Variants in TTN observed in about 807,000 individuals in gnomAD.
TTN encodes the protein titin.
TTN carries 1,525 observed loss-of-function variants against 3,223.0 expected under a neutral mutation model. The observed-to-expected ratio is 0.47, with a 90% CI of 0.45 to 0.49. The LOEUF (loss-of-function observed/expected upper bound fraction) is 0.49. TTN is among the 20% of genes least tolerant of loss of function. The pLI is 0.00. For missense variants in TTN, 40,786 were observed against 43,424.0 expected, an observed-to-expected ratio of 0.94 and a Z score of 5.40; for synonymous variants, 14,094 against 15,161.0, an observed-to-expected ratio of 0.93 and a Z score of 5.17.
In TTN at chr2:178,609,311, C is replaced by G; in HGVS notation, c.51999G>C (p.Gln17333His). 1 of 1,607,542 alleles carries G rather than the reference C, an allele frequency of 6.2e-7. No individual in the cohort carries two copies. The highest frequency in any genetic ancestry group is 8.5e-7 in the Non-Finnish European group (1 of 1,176,670). ...GTCGGAGAGAATCTCGGACGCGTAG[C>G]TGAGATTCTCCCTTTTTGCTGTTGT... ...SIDNSKKGES[Q>H]LRVRDSLRPD... The change falls in exon 273 of 363, where the codon CAG becomes CAC. Residue 17333 changes from glutamine to histidine, a missense_variant. Gln to His is a conservative substitution (Grantham distance 24, BLOSUM62 0). Transcript: ENST00000589042.
rs765485610 is a variant in TTN, at chr2:178,633,894, T to C, written c.42605A>G (p.Glu14202Gly). 2.5e-6 allele frequency: 4 copies of C among 1,613,370 alleles called. No homozygotes were observed. The African/African-American group carries it at 5.3e-5, about 22-fold the overall frequency. Residue 14202 changes from glutamate to glycine, a missense_variant, in exon 231 of 363, where the codon GAA (glutamate) becomes GGA (glycine). Physicochemically the swap from Glu to Gly is moderately conservative, Grantham distance 98 (BLOSUM62 -2). Transcript: ENST00000589042. The stretch of plus-strand genomic sequence containing the variant: ...CTGAGATATATCATCCAATGTCACT[T>C]CTTTCATTTCCAATTTGTGAGTCTT... The part of the protein sequence containing the change: ...EGKTHKLEMK[E>G]VTLDDISQIK...
In TTN at chr2:178,766,364, A is replaced by C. The variant is rs377693857; in HGVS notation, c.9703+17T>G. ...CTGATGGATCCACAAAATATGCTGA[A>C]ATCTGTCCCTACATACCATTGACAT... On this transcript the variant is annotated intron_variant, in intron 41 of 362. Coordinates refer to ENST00000589042, the MANE Select transcript of TTN (RefSeq NM_001267550.2). The C allele has an allele frequency of 3.2e-6, 5 of 1,571,122 alleles. No individual in the cohort carries two copies. The highest frequency in any genetic ancestry group is 3.5e-6 in the Non-Finnish European group (4 of 1,140,972).
rs761010286 is a variant in TTN at position 178,663,645 on chromosome 2, C to G, written c.36514G>C (p.Glu12172Gln). 3.1e-6 allele frequency: 5 copies of G among 1,613,578 alleles called. No individual in the cohort carries two copies. In the South Asian group the frequency reaches 5.5e-5, roughly 18 times the overall value. The change falls in exon 171 of 363, where the codon GAA (glutamate) becomes CAA (glutamine). Residue 12172 changes from glutamate to glutamine, a missense_variant. Coordinates refer to ENST00000589042, the MANE Select transcript of TTN (RefSeq NM_001267550.2). The part of the protein sequence containing the change: ...KAPVAPPKEP[E>Q]VPPVKVPEAP... Reference sequence around the variant, plus strand: ...CAAATACCTTTAACAGGTGGGACTTCAGGCTCTTTAGGAGGAGCCACTGGC... The same window carrying G: ...CAAATACCTTTAACAGGTGGGACTTGAGGCTCTTTAGGAGGAGCCACTGGC...
At chr2:178,691,722 C>T (rs967589566) in intron 121 of TTN, among the ~76,000 whole-genome samples, 3 of 152,092 alleles carry the variant, frequency 2.0e-5, no homozygotes, top group Non-Finnish European at 4.4e-5. Context: ...CAGTAGAAAA[C>T]AAGTTTCACA....
intron 47 of TTN, among the ~76,000 whole-genome samples, chr2:178,743,722 T>C (rs1036113949): frequency 6.6e-6 from 1 of 152,016 alleles, no homozygotes; most frequent in African/African-American, 2.4e-5. Flanking sequence ...TTCTCGTTAA[T>C]TTTAACATCC....
Position 178,570,068 on chromosome 2 carries a change from T to C in TTN, c.76064A>G (p.His25355Arg), listed in dbSNP as rs1399292028. 3 of 1,613,306 alleles carry C rather than the reference T, an allele frequency of 1.9e-6. No individual in the cohort carries two copies. Among genetic ancestry groups the C allele is most frequent in the Non-Finnish European group, 2.5e-6 (3 of 1,179,588 alleles). Reference protein sequence around the residue: ...DKEGIRWTRCHKRLIGELRLR... With the variant: ...DKEGIRWTRCRKRLIGELRLR... ...GCGCAACTCTCCAATCAGACGCTTA[T>C]GGCATCTTGTCCATCTAATGCCTTC... Residue 25355 changes from histidine to arginine, a missense_variant, in exon 326 of 363, where the codon CAT becomes CGT. Coordinates refer to ENST00000589042, the MANE Select transcript of TTN (RefSeq NM_001267550.2).
In TTN at chr2:178,751,336, A is replaced by G. The variant is rs727503672; in HGVS notation, c.11311+1788T>C. ...CCTTGTCCAGGAAACTTTCACCTACATTAAGCCAACCTCTTATGTCAGATT... is the reference window on the plus strand; with the variant it reads ...CCTTGTCCAGGAAACTTTCACCTACGTTAAGCCAACCTCTTATGTCAGATT... On this transcript the variant is annotated intron_variant, in intron 47 of 362. Coordinates refer to ENST00000589042, the MANE Select transcript of TTN (RefSeq NM_001267550.2). 9.3e-6 allele frequency: 15 copies of G among 1,609,836 alleles called. 1 individual carries two copies. The highest frequency in any genetic ancestry group is 1.7e-4 in the Middle Eastern group (1 of 6,054).
At position 178,616,762 on chromosome 2, in the gene TTN, T is replaced by C; in HGVS notation, c.48127A>G (p.Thr16043Ala). The C allele has an allele frequency of 6.2e-7, 1 of 1,612,652 alleles. No individual in the cohort carries two copies. The change falls in exon 256 of 363, where the codon ACA becomes GCA. Residue 16043 changes from threonine to alanine, a missense_variant. Thr to Ala is a moderately conservative substitution (Grantham distance 58). Transcript: ENST00000589042. ...YTLKLENRVK[T>A]ISGEIDVNVI... ...TTGACATCAATTTCCCCAGAAATTG[T>C]TTTCACACGGTTTTCTAATTTCAGT...
At chr2:178,719,111 G>A (rs749840494) in intron 83 of TTN, 53 bp downstream of exon 83, 227 of 1,560,676 alleles carry the variant, frequency 1.5e-4, no homozygotes, top group Non-Finnish European at 1.8e-4. Flanking sequence ...CAGGCACCAC[G>A]TCCACATGAA....
At chr2:178,676,475 C>T (rs2068089053) in intron 147 of TTN, among the ~76,000 whole-genome samples, 1 of 151,772 alleles carries the variant, frequency 6.6e-6, no homozygotes, top group African/African-American at 2.4e-5. Context: ...AGCTTTAAAG[C>T]ACAAATATAT....
At position 178,687,079 on chromosome 2, in the gene TTN, C is replaced by T. The variant is rs192520507; in HGVS notation, c.32311+1032G>A. Among the ~76,000 whole-genome samples, 275 of 152,286 alleles carry T rather than the reference C, an allele frequency of 1.8e-3. 5 individuals are homozygous for T. In the South Asian group the frequency reaches 0.024, roughly 13 times the overall value. ...AAGGCATTCCACTAAGACTATGGCA[C>T]CTTGGATTTTTACATGGGCTTTTGT... is the stretch of plus-strand genomic sequence containing the variant. On this transcript the variant is annotated intron_variant, in intron 127 of 362. Coordinates refer to ENST00000589042, the MANE Select transcript of TTN (RefSeq NM_001267550.2).
rs1267785229 is a variant in TTN, at chr2:178,544,049, A to G, written c.96095T>C (p.Leu32032Ser). ...TCCAGATACAGACACCATCAAGCGC[A>G]AGGAGGCCCCAGCCCTGATGGTCAC... ...KTVTIRAGAS[L>S]RLMVSVSGRP... The change falls in exon 346 of 363, where the codon TTG becomes TCG. Residue 32032 changes from leucine (L) to serine (S), a missense_variant. Coordinates refer to ENST00000589042, the MANE Select transcript of TTN (RefSeq NM_001267550.2). 1 of 1,613,638 alleles carries G rather than the reference A, an allele frequency of 6.2e-7. No homozygotes were observed. The highest frequency in any genetic ancestry group is 8.5e-7 in the Non-Finnish European group (1 of 1,179,670).
rs1236311809 is a variant in TTN, at chr2:178,594,140, A to C, written c.58253T>G (p.Val19418Gly). Residue 19418 changes from valine (V) to glycine (G), a missense_variant, in exon 297 of 363, where the codon GTT (valine) becomes GGT (glycine). Physicochemically the swap from Val to Gly is moderately radical, Grantham distance 109. Coordinates refer to ENST00000589042, the MANE Select transcript of TTN (RefSeq NM_001267550.2). ...ATCAGCTTCATCTTTGAACCAGGAA[A>C]CCTTAGGCTTTGGTTTGCCTGAGTA... Reference protein sequence around the residue: ...GRYSGKPKPKVSWFKDEADVL... With the variant: ...GRYSGKPKPKGSWFKDEADVL... The C allele has an allele frequency of 1.9e-6, 3 of 1,613,272 alleles. No individual in the cohort carries two copies. In the African/African-American group the frequency reaches 4.0e-5, roughly 22 times the overall value.
intron 1 of TTN, 123 bp from the exon 2 acceptor site, chr2:178,804,778 G>T: frequency 1.2e-6 from 1 of 838,694 alleles, no homozygotes. Flanking sequence ...TGTGGGCCTA[G>T]AGTGATGGGC....
rs753929851 is a variant in TTN, at chr2:178,720,025, C to T, written c.23617G>A (p.Asp7873Asn). Residue 7873 changes from aspartate (D) to asparagine (N), a missense_variant, in exon 81 of 363, where the codon GAT becomes AAT. Transcript: ENST00000589042. ...GCAGAGCATTCTCTCATTCCAGCATCGTTTTTGATTTGGCATATATATTTT... is the reference window on the plus strand; with the variant it reads ...GCAGAGCATTCTCTCATTCCAGCATTGTTTTTGATTTGGCATATATATTTT... ...SGKYICQIKN[D>N]AGMRECSAVL... 7 of 1,612,842 alleles carry T rather than the reference C, an allele frequency of 4.3e-6. No individual in the cohort carries two copies. In the African/African-American group the frequency reaches 8.0e-5, roughly 18 times the overall value.
rs774163706 is a variant in TTN at position 178,731,857 on chromosome 2, T to C, written c.17018A>G (p.Asp5673Gly). The C allele has an allele frequency of 5.0e-6, 8 of 1,613,702 alleles. No individual in the cohort carries two copies. Among genetic ancestry groups the C allele is most frequent in the South Asian group, 3.3e-5 (3 of 91,084 alleles). ...TCTACCACTTCGCAGGATTGTGTTATCTTTGAACCAAGTGATCTCAAAGGG... is the reference window on the plus strand; with the variant it reads ...TCTACCACTTCGCAGGATTGTGTTACCTTTGAACCAAGTGATCTCAAAGGG... ...TPPFEITWFKDNTILRSGRKY... is the reference protein window; with the variant it reads ...TPPFEITWFKGNTILRSGRKY... The change falls in exon 58 of 363, where the codon GAT becomes GGT. Residue 5673 changes from aspartate to glycine, a missense_variant. Physicochemically the swap from Asp to Gly is moderately conservative, Grantham distance 94. Coordinates refer to ENST00000589042, the MANE Select transcript of TTN (RefSeq NM_001267550.2).
rs867980863 is a variant in TTN at position 178,732,999 on chromosome 2, C to T, written c.16177G>A (p.Asp5393Asn). The T allele has an allele frequency of 1.9e-5, 31 of 1,613,452 alleles. No individual in the cohort carries two copies. In the East Asian group the frequency reaches 6.9e-4, roughly 36 times the overall value. Residue 5393 changes from aspartate (D) to asparagine (N), a missense_variant, in exon 55 of 363, where the codon GAT (aspartate) becomes AAT (asparagine). Transcript: ENST00000589042. ...TCAGAAGCAGCTATTTCTTTGCCAT[C>T]CTTAAACCAGGACACCCTCATGGGG... is the stretch of plus-strand genomic sequence containing the variant. ...SLPMRVSWFK[D>N]GKEIAASDRY...
At position 178,679,913 on chromosome 2, in the gene TTN, C is replaced by A. The variant is rs763629416; in HGVS notation, c.33561G>T (p.Val11187=). Residue 11187 remains valine (V), a synonymous_variant, in exon 140 of 363, where the codon GTG becomes GTT. Transcript: ENST00000589042. The part of the protein sequence containing the change: ...EEEFITEEEV[V]PVIPVKVPEV... Reference sequence around the variant, plus strand: ...ATCTACCTTTGACTGGTATCACTGGCACCACTTCTTCCTCAGTTATGAACT... The same window carrying A: ...ATCTACCTTTGACTGGTATCACTGGAACCACTTCTTCCTCAGTTATGAACT... The A allele has an allele frequency of 5.4e-5, 87 of 1,612,998 alleles. No individual in the cohort carries two copies. Among genetic ancestry groups the A allele is most frequent in the Admixed American group, 2.5e-4 (15 of 59,882 alleles).
intron 4 of TTN, 47 bp downstream of exon 4, chr2:178,800,348 A>G (rs533493987): frequency 3.7e-6 from 6 of 1,612,944 alleles, no homozygotes; most frequent in East Asian, 4.5e-5. Flanking sequence ...TTTAGACACA[A>G]ACCAGCTCTC....
Sources: gnomAD v4.1 joint callset for allele counts (sites outside exome capture counted in the v4.1 genomes callset) on GRCh38, gnomAD v4.1.1 for gene constraint, MANE v1.5 for transcripts, NCBI Gene and HGNC (gene_info 2026-07-23, HGNC 2026-07-21) for gene names.